DNAI4: variants seen among roughly 807,000 people sequenced by gnomAD.
DNAI4 encodes WD repeat domain 78.
Under a neutral mutation model 105.8 loss-of-function variants are expected in DNAI4, and 85 were observed. The observed-to-expected ratio is 0.80, with a 90% CI of 0.67 to 0.96. The LOEUF is 0.96. Among genes scored for constraint, DNAI4 ranks in the 40% least tolerant of loss-of-function variants. The probability of loss-of-function intolerance (pLI) is 0.00; values close to 1 mark genes in which losing one functional copy is unlikely to be tolerated. For missense variants in DNAI4, 1,014 were observed against 1,005.6 expected (o/e 1.01, Z -0.11); for synonymous variants, 352 against 331.5 (o/e 1.06, Z -0.67).
chr1:66,908,323 C>T (rs1467545583), intron 1 of DNAI4, among the ~76,000 whole-genome samples: 3 of 152,168 alleles, frequency 2.0e-5, no homozygotes, highest in African/African-American at 7.2e-5. Context: ...AGTCCTCCTC[C>T]CAGGCATGCA....
chr1:66,860,332 A>C (rs537324625), intron 7 of DNAI4, among the ~76,000 whole-genome samples: 1 of 152,182 alleles, frequency 6.6e-6, no homozygotes, highest in South Asian at 2.1e-4. Context: ...ATGGAATAAA[A>C]ATATTTTTTA....
At chr1:66,815,348 G>T (rs990980506) in intron 16 of DNAI4, among the ~76,000 whole-genome samples, 2 of 152,114 alleles carry the variant, frequency 1.3e-5, no homozygotes, top group African/African-American at 4.8e-5. Flanking sequence ...GTTGTATCCT[G>T]AGACCCCGTC....
intron 11 of DNAI4, among the ~76,000 whole-genome samples, chr1:66,834,885 C>T (rs1645948017): frequency 6.6e-6 from 1 of 152,154 alleles, no homozygotes; most frequent in Non-Finnish European, 1.5e-5. Context: ...GCTTACAAAA[C>T]TGCAAATAAT....
intron 1 of DNAI4, among the ~76,000 whole-genome samples, chr1:66,907,278 C>T (rs941363588): frequency 6.6e-6 from 1 of 152,172 alleles, no homozygotes; most frequent in Non-Finnish European, 1.5e-5. Context: ...TATTCTTCAA[C>T]CTCCTTGAGA....
chr1:66,827,052 A>T lies in DNAI4; in HGVS notation c.2113-6T>A. On this transcript the variant is annotated splice_polypyrimidine_tract_variant and splice_region_variant and intron_variant, in intron 14 of 16. Coordinates refer to ENST00000371026, the MANE Select transcript of DNAI4 (RefSeq NM_024763.5). ...GTCACTTTATACACTGGACCCTAGA[A>T]ATAAAAAAAAAATACATAGGTAAAT... 2 of 1,591,586 alleles carry T rather than the reference A, an allele frequency of 1.3e-6. No homozygotes were observed. The highest frequency in any genetic ancestry group is 1.7e-6 in the Non-Finnish European group (2 of 1,171,090).
At chr1:66,918,055 G>GT (rs922286201) in intron 1 of DNAI4, among the ~76,000 whole-genome samples, 1 of 152,130 alleles carries the variant, frequency 6.6e-6, no homozygotes, top group Non-Finnish European at 1.5e-5. Flanking sequence ...CAACTCATAG[G>GT]TATTTGATTG....
chr1:66,828,097 C>T (rs773375436), intron 13 of DNAI4, 187 bp from the exon 14 acceptor site: 56 of 356,684 alleles, frequency 1.6e-4, no homozygotes, highest in Non-Finnish European at 2.6e-4. Context: ...ACCTGAGAGA[C>T]TACTGTGCAA....
At chr1:66,839,999 C>A (rs1315690063) in intron 9 of DNAI4, among the ~76,000 whole-genome samples, 1 of 152,134 alleles carries the variant, frequency 6.6e-6, no homozygotes, top group Non-Finnish European at 1.5e-5. Flanking sequence ...TAAGCTCTTG[C>A]TAATATCGGT....
intron 15 of DNAI4, among the ~76,000 whole-genome samples, chr1:66,826,006 G>C (rs1341204408): frequency 3.3e-5 from 5 of 152,112 alleles, no homozygotes; most frequent in African/African-American, 9.7e-5. Flanking sequence ...ATATTAGGAA[G>C]AATAAATTAA....
In DNAI4 at chr1:66,834,131, TG is replaced by T. The variant is rs764200026; in HGVS notation, c.1750del (p.His584IlefsTer11). ...VLDSSESPQK[H>X]LGPVWQLQWI... ...CTGTAGTTGCCATACAGGTCCCAAA[TG>T]TTTTTGAGGTGATTCACTAAAACAG... On this transcript the variant is annotated frameshift_variant, in exon 12 of 17. Coordinates refer to ENST00000371026, the MANE Select transcript of DNAI4 (RefSeq NM_024763.5). LOFTEE classifies it high-confidence loss of function. 17 of 1,604,100 alleles carry T rather than the reference TG, an allele frequency of 1.1e-5. No homozygotes were observed. The highest frequency in any genetic ancestry group is 3.5e-5 in the Admixed American group (2 of 57,590).
intron 2 of DNAI4, among the ~76,000 whole-genome samples, chr1:66,894,462 C>T (rs1648140840): frequency 6.6e-6 from 1 of 151,780 alleles, no homozygotes; most frequent in African/African-American, 2.4e-5. Context: ...GCTTTATTTT[C>T]TTTATGGTAT....
chr1:66,837,516 T>G (rs1297549857), intron 10 of DNAI4, 194 bp downstream of exon 10: 6 of 646,144 alleles, frequency 9.3e-6, no homozygotes, highest in Non-Finnish European at 1.5e-5. Flanking sequence ...ATTTACTGAA[T>G]GAATTAATAA....
At chr1:66,833,068 T>G (rs988681815) in intron 13 of DNAI4, among the ~76,000 whole-genome samples, 1 of 152,016 alleles carries the variant, frequency 6.6e-6, no homozygotes, top group African/African-American at 2.4e-5. Flanking sequence ...GTAAAGAGAA[T>G]TTTTCCATAG....
chr1:66,863,371 T>C (rs187116122), intron 6 of DNAI4, among the ~76,000 whole-genome samples: 6 of 152,340 alleles, frequency 3.9e-5, no homozygotes, highest in Non-Finnish European at 7.4e-5. Context: ...ACAACTATTA[T>C]TTTCCTAATA....
At chr1:66,819,706 T>C (rs1222211776) in intron 16 of DNAI4, among the ~76,000 whole-genome samples, 2 of 152,112 alleles carry the variant, frequency 1.3e-5, no homozygotes, top group African/African-American at 4.8e-5. Flanking sequence ...AATACGTATA[T>C]ACATTTGATG....
At chr1:66,914,999 A>G (rs562611590) in intron 1 of DNAI4, among the ~76,000 whole-genome samples, 2 of 152,236 alleles carry the variant, frequency 1.3e-5, no homozygotes, top group African/African-American at 4.8e-5. Context: ...AATTGCCAGC[A>G]TACATTTTGT....
At chr1:66,879,649 G>A (rs978245281) in intron 4 of DNAI4, among the ~76,000 whole-genome samples, 2 of 152,278 alleles carry the variant, frequency 1.3e-5, no homozygotes, top group Middle Eastern at 3.4e-3. Context: ...ATCCCCACCA[G>A]CAAGGAATGA....
At chr1:66,889,542 G>T (rs1173815421) in intron 4 of DNAI4, among the ~76,000 whole-genome samples, 2 of 152,152 alleles carry the variant, frequency 1.3e-5, no homozygotes, top group Non-Finnish European at 2.9e-5. Flanking sequence ...ATTCTTGTTA[G>T]TTGGGTATTC....
intron 13 of DNAI4, among the ~76,000 whole-genome samples, chr1:66,831,722 A>T (rs1211761824): frequency 6.6e-6 from 1 of 152,228 alleles, no homozygotes; most frequent in Non-Finnish European, 1.5e-5. Flanking sequence ...CAATACAGGA[A>T]TGCATGCTTT....
Sources: gnomAD v4.1 joint callset for allele counts (sites outside exome capture counted in the v4.1 genomes callset) on GRCh38, gnomAD v4.1.1 for gene constraint, MANE v1.5 for transcripts, NCBI Gene and HGNC (gene_info 2026-07-23, HGNC 2026-07-21) for gene names.